SLC38A4: variants seen among roughly 807,000 people sequenced by gnomAD.
SLC38A4 encodes the protein sodium-coupled neutral amino acid transporter 4.
A neutral mutation model predicts 63.1 loss-of-function variants in SLC38A4; 20 were observed. That is an observed-to-expected ratio of 0.32 (90% CI 0.22 to 0.46). The LOEUF (loss-of-function observed/expected upper bound fraction) is 0.46, where lower values mean the gene tolerates loss of function less well. SLC38A4 is among the 20% of genes least tolerant of loss of function. SLC38A4 has a pLI of 1.00. For synonymous variants in SLC38A4, 230 were observed against 225.5 expected (o/e 1.02, Z -0.18); for missense variants, 526 against 663.6 (o/e 0.79, Z 2.28).
chr12:46,795,566 C>A (rs549036037), intron 2 of SLC38A4, among the ~76,000 whole-genome samples: 11 of 152,126 alleles, frequency 7.2e-5, no homozygotes, highest in African/African-American at 2.7e-4. Context: ...ATTCTATCTT[C>A]TTTCTTCAGT....
At chr12:46,820,079 G>A (rs1471527361) in intron 1 of SLC38A4, among the ~76,000 whole-genome samples, 1 of 151,738 alleles carries the variant, frequency 6.6e-6, no homozygotes, top group Non-Finnish European at 1.5e-5. Flanking sequence ...TGTATACAAC[G>A]ATGAGATTGG....
At chr12:46,805,959 T>A (rs1939222957) in intron 1 of SLC38A4, among the ~76,000 whole-genome samples, 1 of 151,796 alleles carries the variant, frequency 6.6e-6, no homozygotes, top group Non-Finnish European at 1.5e-5. Context: ...TAGAACCTAC[T>A]TAGTGTCAGC....
At chr12:46,768,261 G>A in intron 16 of SLC38A4, 49 bp downstream of exon 16, 2 of 1,317,000 alleles carry the variant, frequency 1.5e-6, no homozygotes, top group Non-Finnish European at 2.1e-6. Flanking sequence ...TTTATTCTAA[G>A]TAGTTGGAAG....
At chr12:46,773,606 G>GAAT (rs1190263288) in intron 14 of SLC38A4, among the ~76,000 whole-genome samples, 1 of 152,022 alleles carries the variant, frequency 6.6e-6, no homozygotes, top group African/African-American at 2.4e-5. Flanking sequence ...CATAGGGTAA[G>GAAT]AATTTCTAAG....
chr12:46,776,363 G>A (rs1210867067), intron 13 of SLC38A4, among the ~76,000 whole-genome samples: 1 of 151,964 alleles, frequency 6.6e-6, no homozygotes, highest in Non-Finnish European at 1.5e-5. Context: ...TTCTTAGATT[G>A]AAGGAAATTC....
Position 46,792,981 on chromosome 12 carries a change from C to T in SLC38A4, c.91G>A (p.Gly31Arg). 3.1e-6 allele frequency: 5 copies of T among 1,613,140 alleles called. No homozygotes were observed. Among genetic ancestry groups the T allele is most frequent in the Non-Finnish European group, 4.2e-6 (5 of 1,179,350 alleles). Residue 31 changes from glycine (G) to arginine (R), a missense_variant, in exon 3 of 17, where the codon GGA (glycine) becomes AGA (arginine). By Grantham distance (125) the Gly-to-Arg change is moderately radical. Coordinates refer to ENST00000266579, the MANE Select transcript of SLC38A4 (RefSeq NM_018018.5). The part of the protein sequence containing the change: ...ESAPDSYIGI[G>R]NSEKAAMSSQ... ...CTCATTGCTGCCTTTTCTGAATTTC[C>T]TATCCCGATGTAGCTATCTGGAGCA...
chr12:46,793,192 A>G lies in SLC38A4; in HGVS notation c.-112-9T>C, dbSNP rs906023309. On this transcript the variant is annotated splice_polypyrimidine_tract_variant and intron_variant, in intron 2 of 16. Transcript: ENST00000266579. ...GTTCAGAACACTCTGTTCTGCAAACAGAACACAACATACATCATTATAATT... is the reference window on the plus strand; with the variant it reads ...GTTCAGAACACTCTGTTCTGCAAACGGAACACAACATACATCATTATAATT... The G allele has an allele frequency of 1.2e-5, 8 of 673,530 alleles. No homozygotes were observed. Among genetic ancestry groups the G allele is most frequent in the Middle Eastern group, 5.0e-4 (2 of 4,014 alleles). 41.7% of individuals were successfully genotyped at this position (673,530 alleles called of 1,614,324 possible). A position where few individuals can be genotyped will look rare whatever the true frequency, so the allele number is the denominator to read the frequency against.
chr12:46,776,428 T>C (rs971544480), intron 13 of SLC38A4, among the ~76,000 whole-genome samples: 1 of 152,046 alleles, frequency 6.6e-6, no homozygotes, highest in African/African-American at 2.4e-5. Context: ...GAATGGGATA[T>C]GTCAGAAATT....
In SLC38A4 at chr12:46,778,645, C is replaced by T; in HGVS notation, c.849G>A (p.Val283=). The stretch of plus-strand genomic sequence containing the variant: ...GGTGGGTGTAATCCATCATGAAGTT[C>T]ACATCAGAACTCTCAGAGTTGTTGG... ...MLPNNSESSD[V]NFMMDYTHRN... Residue 283 remains valine, a synonymous_variant, in exon 11 of 17, where the codon GTG becomes GTA. Transcript: ENST00000266579. The T allele has an allele frequency of 6.2e-7, 1 of 1,613,004 alleles. No individual in the cohort carries two copies. The highest frequency in any genetic ancestry group is 2.2e-5 in the East Asian group (1 of 44,820).
intron 1 of SLC38A4, among the ~76,000 whole-genome samples, chr12:46,821,141 G>A (rs967613270): frequency 3.3e-5 from 5 of 151,838 alleles, no homozygotes; most frequent in African/African-American, 7.3e-5. Context: ...TATTTCCTTC[G>A]CTGTGCAGAA....
Position 46,798,359 on chromosome 12 carries a change from A to T in SLC38A4, c.-112-5176T>A, listed in dbSNP as rs1156405791. On this transcript the variant is annotated intron_variant, in intron 2 of 16. Transcript: ENST00000266579. The stretch of plus-strand genomic sequence containing the variant: ...GTGTTCTAGCTACACTAGTCTTTCC[A>T]TTCCAGAAATCCACCGTGTTCTCTA... Among the ~76,000 whole-genome samples, 4 of 152,022 alleles carry T rather than the reference A, an allele frequency of 2.6e-5. No individual in the cohort carries two copies. In the South Asian group the frequency reaches 8.3e-4, roughly 31 times the overall value.
intron 4 of SLC38A4, 47 bp from the exon 5 acceptor site, chr12:46,788,078 A>T: frequency 7.1e-7 from 1 of 1,412,100 alleles, no homozygotes; most frequent in Non-Finnish European, 1.0e-6. Context: ...GCCAAAGGGC[A>T]TACCTTTAGG....
intron 1 of SLC38A4, among the ~76,000 whole-genome samples, chr12:46,831,615 G>T (rs1164652667): frequency 6.6e-6 from 1 of 152,186 alleles, no homozygotes. Context: ...CTCTGCTCTC[G>T]CCTTCTCCCT....
rs1041812309 is a variant in SLC38A4, at chr12:46,777,606, A to C, written c.1074-602T>G. 2.0e-5 allele frequency among the ~76,000 whole-genome samples: 3 copies of C among 152,034 alleles called. No homozygotes were observed. In the South Asian group the frequency reaches 6.2e-4, roughly 31 times the overall value. On this transcript the variant is annotated intron_variant, in intron 12 of 16. Transcript: ENST00000266579. ...GTTTTGCTATTTAGTGAGAATGAAG[A>C]CTGAGGTTACTGATGTCTAGATTAA...
At chr12:46,771,349 C>T (rs1481377794) in intron 14 of SLC38A4, among the ~76,000 whole-genome samples, 2 of 152,028 alleles carry the variant, frequency 1.3e-5, no homozygotes, top group Non-Finnish European at 2.9e-5. Flanking sequence ...GATATAGGCT[C>T]ATTTTCAGAG....
chr12:46,787,399 G>T (rs1421853462), intron 5 of SLC38A4, among the ~76,000 whole-genome samples: 1 of 152,142 alleles, frequency 6.6e-6, no homozygotes, highest in Non-Finnish European at 1.5e-5. Context: ...ATTCAGGTGA[G>T]ACTGAACTGA....
chr12:46,795,924 C>A (rs917629528), intron 2 of SLC38A4, among the ~76,000 whole-genome samples: 48 of 152,138 alleles, frequency 3.2e-4, no homozygotes, highest in African/African-American at 1.1e-3. Flanking sequence ...ACGGCCCAAT[C>A]AAAAGGCTTG....
In SLC38A4 at chr12:46,776,081, A is replaced by G. The variant is rs571624562; in HGVS notation, c.1174+823T>C. On this transcript the variant is annotated intron_variant, in intron 13 of 16. Transcript: ENST00000266579. ...TGAATCTTTTCCTCCACAATTTGTC[A>G]TACATGCAATTCAATTTACCAAGTC... Among the ~76,000 whole-genome samples the G allele has an allele frequency of 9.2e-5, 14 of 152,158 alleles. No individual in the cohort carries two copies. The East Asian group carries it at 2.7e-3, about 30-fold the overall frequency.
At chr12:46,787,881 T>G (rs1339098049) in intron 5 of SLC38A4, 35 bp downstream of exon 5, 1 of 1,504,444 alleles carries the variant, frequency 6.6e-7, no homozygotes, top group African/African-American at 1.4e-5. Flanking sequence ...ATGCATGGAC[T>G]TCATCACCAA....
Sources: gnomAD v4.1 joint callset for allele counts (sites outside exome capture counted in the v4.1 genomes callset) on GRCh38, gnomAD v4.1.1 for gene constraint, MANE v1.5 for transcripts, NCBI Gene and HGNC (gene_info 2026-07-23, HGNC 2026-07-21) for gene names.